ZNF469: variants seen among roughly 807,000 people sequenced by gnomAD.
ZNF469 encodes zinc finger protein 469.
Under a neutral mutation model 1.0 loss-of-function variants are expected in ZNF469, and 1 was observed. The ratio of observed to expected loss-of-function variants is 1.00; its 90% confidence interval spans 0.35 to 4.73. The LOEUF (loss-of-function observed/expected upper bound fraction) is 4.73, where lower values mean the gene tolerates loss of function less well. Among genes scored for constraint, ZNF469 ranks in the 30% most tolerant of loss-of-function variants. The pLI is 0.16. For missense variants in ZNF469, 6,100 were observed against 5,356.3 expected (o/e 1.14, Z -4.33); for synonymous variants, 2,703 against 2,363.4 (o/e 1.14, Z -4.17).
At chr16:88,133,578 A>T in the ZNF469 span, among the ~76,000 whole-genome samples, 7 of 152,144 alleles carry the variant, frequency 4.6e-5, no homozygotes, top group East Asian at 1.3e-3. Flanking sequence ...AATAAGTTCA[A>T]TCATTCAAGC....
chr16:88,186,410 C>A, the ZNF469 span, among the ~76,000 whole-genome samples: 1 of 152,228 alleles, frequency 6.6e-6, no homozygotes, highest in African/African-American at 2.4e-5. Flanking sequence ...TTCCAGCAGG[C>A]CAGGCCGACC....
the ZNF469 span, among the ~76,000 whole-genome samples, chr16:88,186,686 G>A: frequency 6.6e-6 from 1 of 152,198 alleles, no homozygotes; most frequent in African/African-American, 2.4e-5. Flanking sequence ...AGTCGCACAC[G>A]GGGCTTCTGA....
At chr16:88,385,955 G>A (rs555253442) in intron 1 of ZNF469, among the ~76,000 whole-genome samples, 9 of 152,304 alleles carry the variant, frequency 5.9e-5, no homozygotes, top group Admixed American at 1.3e-4. Flanking sequence ...AGACTCCGTG[G>A]GACCTGTGGA....
Position 88,436,125 on chromosome 16 carries a change from G to C in ZNF469, c.8655G>C (p.Pro2885=). 1 of 1,548,354 alleles carries C rather than the reference G, an allele frequency of 6.5e-7. No homozygotes were observed. The highest frequency in any genetic ancestry group is 1.2e-5 in the South Asian group (1 of 84,048). The change falls in exon 3 of 3, where the codon CCG becomes CCC. Residue 2885 remains proline (P), a synonymous_variant. Coordinates refer to ENST00000565624, the MANE Select transcript of ZNF469 (RefSeq NM_001367624.2). ...PHVYGKRCEK[P]VLPLPTQPSF... is the part of the protein sequence containing the mutation. ...TCTACGGGAAGCGCTGTGAGAAGCCGGTGCTCCCGCTGCCAACCCAGCCCA... is the reference window on the plus strand; with the variant it reads ...TCTACGGGAAGCGCTGTGAGAAGCCCGTGCTCCCGCTGCCAACCCAGCCCA...
In ZNF469 at chr16:88,438,502, A is replaced by T. The variant is rs1906766421; in HGVS notation, c.11032A>T (p.Ser3678Cys). ...GSATKPAGCQ[S>C]SSKDRSAAST... ...CGCCACCAAGCCTGCGGGCTGCCAG[A>T]GCTCATCAAAGGACAGGTCGGCAGC... is the stretch of plus-strand genomic sequence containing the variant. Residue 3678 changes from serine (S) to cysteine (C), a missense_variant, in exon 3 of 3, where the codon AGC becomes TGC. Transcript: ENST00000565624. 1 of 1,550,090 alleles carries T rather than the reference A, an allele frequency of 6.5e-7. No individual in the cohort carries two copies.
chr16:88,396,453 G>A (rs370181867), intron 1 of ZNF469, among the ~76,000 whole-genome samples: 2 of 151,086 alleles, frequency 1.3e-5, no homozygotes, highest in Non-Finnish European at 1.5e-5. Flanking sequence ...CTTATGAAGG[G>A]AGGCCGGGCG....
chr16:88,227,996 C>T, the ZNF469 span, among the ~76,000 whole-genome samples: 5 of 152,378 alleles, frequency 3.3e-5, no homozygotes, highest in East Asian at 5.8e-4. Flanking sequence ...CCGCATCCAT[C>T]GTTACAGGGC....
chr16:88,405,457 A>G (rs1264445137), intron 1 of ZNF469, among the ~76,000 whole-genome samples: 1 of 152,116 alleles, frequency 6.6e-6, no homozygotes, highest in Non-Finnish European at 1.5e-5. Context: ...GGGATGGGCC[A>G]TGAGTTTCCC....
intron 1 of ZNF469, among the ~76,000 whole-genome samples, chr16:88,402,112 T>G (rs1904899473): frequency 1.3e-5 from 2 of 151,388 alleles, no homozygotes; most frequent in Non-Finnish European, 1.5e-5. Flanking sequence ...GATGGATACA[T>G]GGGTGGATGG....
At chr16:88,168,732 G>A in the ZNF469 span, among the ~76,000 whole-genome samples, 1 of 152,212 alleles carries the variant, frequency 6.6e-6, no homozygotes, top group Non-Finnish European at 1.5e-5. This position sits in a 1 kb window ranked among gnomAD's most constrained non-coding sequence, Gnocchi z 4.3. Flanking sequence ...TGGGCTTTGA[G>A]GATTAGCAAA....
chr16:88,136,685 T>C, the ZNF469 span, among the ~76,000 whole-genome samples: 4 of 152,238 alleles, frequency 2.6e-5, no homozygotes, highest in Non-Finnish European at 2.9e-5. Flanking sequence ...ATGGCTCATC[T>C]CATCCAGAGA....
chr16:88,223,717 C>T, the ZNF469 span, among the ~76,000 whole-genome samples: 2 of 152,328 alleles, frequency 1.3e-5, no homozygotes, highest in Non-Finnish European at 2.9e-5. Context: ...CTGGCTGGGA[C>T]CGTGTGAAAG....
Position 88,438,096 on chromosome 16 carries a change from G to A in ZNF469, c.10626G>A (p.Glu3542=). 2 of 1,550,428 alleles carry A rather than the reference G, an allele frequency of 1.3e-6. No homozygotes were observed. The highest frequency in any genetic ancestry group is 1.7e-6 in the Non-Finnish European group (2 of 1,146,974). ...TGACCCACCCGATCAGAGGTTGTGA[G>A]CTGCCATCCAACCACCAGGAGTGTC... ...DPVTHPIRGC[E]LPSNHQECPP... Residue 3542 remains glutamate, a synonymous_variant, in exon 3 of 3, where the codon GAG becomes GAA. Coordinates refer to ENST00000565624, the MANE Select transcript of ZNF469 (RefSeq NM_001367624.2).
At chr16:88,399,023 T>A (rs565194581) in intron 1 of ZNF469, among the ~76,000 whole-genome samples, 6 of 152,350 alleles carry the variant, frequency 3.9e-5, no homozygotes, top group African/African-American at 1.4e-4. Flanking sequence ...CACTGTCAGC[T>A]GCCACGTAAC....
At chr16:88,298,970 G>T in the ZNF469 span, among the ~76,000 whole-genome samples, 1 of 152,214 alleles carries the variant, frequency 6.6e-6, no homozygotes, top group South Asian at 2.1e-4. Flanking sequence ...CACAGCAGAC[G>T]CTTGCCCGGG....
At chr16:88,122,379 G>GT in the ZNF469 span, among the ~76,000 whole-genome samples, 1 of 150,446 alleles carries the variant, frequency 6.6e-6, no homozygotes, top group Non-Finnish European at 1.5e-5. Flanking sequence ...GGCCACAGCA[G>GT]TCACTCAGAT....
At chr16:88,315,662 C>T in the ZNF469 span, among the ~76,000 whole-genome samples, 3 of 152,164 alleles carry the variant, frequency 2.0e-5, no homozygotes, top group Non-Finnish European at 4.4e-5. Context: ...CACATCCGTG[C>T]GTCTGCCTGT....
At chr16:88,302,214 G>A in the ZNF469 span, among the ~76,000 whole-genome samples, 166 of 152,340 alleles carry the variant, frequency 1.1e-3, 1 homozygote, top group Non-Finnish European at 1.5e-3. Context: ...GTTACCTGCC[G>A]TCTGACCCGC....
the ZNF469 span, among the ~76,000 whole-genome samples, chr16:88,226,372 C>T: frequency 3.9e-5 from 6 of 151,990 alleles, no homozygotes; most frequent in East Asian, 1.9e-4. Context: ...CCACGTGCAG[C>T]GGGAGGCAGA....
Sources: gnomAD v4.1 joint callset for allele counts (sites outside exome capture counted in the v4.1 genomes callset) on GRCh38, gnomAD v4.1.1 for gene constraint, Gnocchi (gnomAD v3.1) non-coding constraint, MANE v1.5 for transcripts, NCBI Gene and HGNC (gene_info 2026-07-23, HGNC 2026-07-21) for gene names.